Variants in TEF observed in about 807,000 individuals in gnomAD.
TEF encodes the protein thyrotroph embryonic factor.
In TEF, 3 loss-of-function variants were observed where a neutral mutation model predicts 20.8. The observed-to-expected ratio is 0.14, with a 90% CI of 0.07 to 0.37. The LOEUF (loss-of-function observed/expected upper bound fraction) is 0.37. Ranked by LOEUF, TEF falls within the 10% of genes least tolerant of loss-of-function variation. The pLI, the probability that TEF is intolerant of heterozygous loss-of-function variation, is 1.00. For missense variants in TEF, 296 were observed against 397.9 expected (o/e 0.74, Z 2.18); for synonymous variants, 180 against 171.1 (o/e 1.05, Z -0.41).
At chr22:41,389,253 T>A (rs2037136297) in intron 2 of TEF, among the ~76,000 whole-genome samples, 1 of 151,948 alleles carries the variant, frequency 6.6e-6, no homozygotes, top group Non-Finnish European at 1.5e-5. Flanking sequence ...TACAAAAAAT[T>A]AGCCGGGTGT....
rs900158832 is a variant in TEF, at chr22:41,369,144, C to T, written c.67+1545C>T. ...GTGGGGCAGGGAGGATTCTCAGGGGCGACTCGGGGCACTGCTCCTCAGATG... is the reference window on the plus strand; with the variant it reads ...GTGGGGCAGGGAGGATTCTCAGGGGTGACTCGGGGCACTGCTCCTCAGATG... On this transcript the variant is annotated intron_variant, in intron 1 of 3. Coordinates refer to the TEF transcript ENST00000406644. 17 of 985,198 alleles carry T rather than the reference C, an allele frequency of 1.7e-5. No individual in the cohort carries two copies. In the South Asian group the frequency reaches 6.1e-4, roughly 35 times the overall value. The allele number at this position is 985,198 out of a possible 1,614,324, so 61.0% of individuals were successfully genotyped here. A position where few individuals can be genotyped will look rare whatever the true frequency, so the allele number is the denominator to read the frequency against.
upstream of TEF, among the ~76,000 whole-genome samples, chr22:41,377,853 G>A (rs73885789): frequency 0.014 from 2,147 of 152,252 alleles, 53 homozygotes; most frequent in African/African-American, 0.05. Context: ...CTTCTCACCA[G>A]CGTCACTTGC....
chr22:41,379,648 G>A (rs1601815574), upstream of TEF, among the ~76,000 whole-genome samples: 1 of 151,826 alleles, frequency 6.6e-6, no homozygotes, highest in Non-Finnish European at 1.5e-5. Flanking sequence ...GTGGATCACC[G>A]GAGGTCAGGA....
At chr22:41,384,788 C>T (rs555869927) in intron 1 of TEF, among the ~76,000 whole-genome samples, 7 of 152,152 alleles carry the variant, frequency 4.6e-5, no homozygotes, top group African/African-American at 1.7e-4. Context: ...CTTTCGCCCT[C>T]GTTGTCCAGG....
In TEF at chr22:41,397,891, A is replaced by C. The variant is rs563804158; in HGVS notation, c.*1931A>C. On this transcript the variant is annotated 3_prime_UTR_variant, in exon 4 of 4. Transcript: ENST00000266304. ...AAAAGCTCTTCATTTTCTTTGCCGG[A>C]AAGTATATGGTTTGTGTTTTTGCAG... The C allele has an allele frequency of 1.3e-5, 2 of 152,178 alleles. No homozygotes were observed. The highest frequency in any genetic ancestry group is 2.9e-5 in the Non-Finnish European group (2 of 68,032). 9.4% of individuals were successfully genotyped at this position (152,178 alleles called of 1,614,324 possible).
chr22:41,383,077 A>G (rs1271130506), intron 1 of TEF: 1 of 469,360 alleles, frequency 2.1e-6, no homozygotes, highest in Non-Finnish European at 4.4e-6. Context: ...ACTGAGGTAT[A>G]CTTTGAGTGT....
In TEF at chr22:41,387,271, G is replaced by C. The variant is rs371982375; in HGVS notation, c.158-80G>C. On this transcript the variant is annotated intron_variant, in intron 1 of 3. Coordinates refer to ENST00000266304, the MANE Select transcript of TEF (RefSeq NM_003216.4). ...CGGGGCTCTGAGAAAGATGGGCCAG[G>C]CCTGTGAGGCTCACTGCCCACTTCC... 67 of 1,487,242 alleles carry C rather than the reference G, an allele frequency of 4.5e-5. No homozygotes were observed. The South Asian group carries it at 4.8e-4, about 11-fold the overall frequency. 92.1% of individuals were successfully genotyped at this position (1,487,242 alleles called of 1,614,324 possible).
At chr22:41,369,333 C>A in intron 1 of TEF, 1 of 854,500 alleles carries the variant, frequency 1.2e-6, no homozygotes, top group Non-Finnish European at 1.4e-6. Flanking sequence ...CAGAGCTTTG[C>A]CGAGCACTGG....
Position 41,396,029 on chromosome 22 carries a change from C to G in TEF, c.*69C>G. On this transcript the variant is annotated 3_prime_UTR_variant, in exon 4 of 4. Coordinates refer to ENST00000266304, the MANE Select transcript of TEF (RefSeq NM_003216.4). The stretch of plus-strand genomic sequence containing the variant: ...CTCTGCCTGGGGGCTCCCTGTAACC[C>G]CTCACACGCGTGGAGACTTATGACT... 1 of 1,519,248 alleles carries G rather than the reference C, an allele frequency of 6.6e-7. No homozygotes were observed. The highest frequency in any genetic ancestry group is 9.0e-7 in the Non-Finnish European group (1 of 1,114,100). 94.1% of individuals were successfully genotyped at this position (1,519,248 alleles called of 1,614,324 possible).
At chr22:41,377,888 G>A (rs1324841801), upstream of TEF, among the ~76,000 whole-genome samples, 1 of 152,138 alleles carries the variant, frequency 6.6e-6, no homozygotes, top group Non-Finnish European at 1.5e-5. Flanking sequence ...GCTCCAGGCT[G>A]GGAGATGAGT....
chr22:41,369,979 T>C (rs982118347), intron 1 of TEF: 23 of 985,342 alleles, frequency 2.3e-5, no homozygotes, highest in African/African-American at 7.0e-5. Context: ...ATTTAGGTCA[T>C]GTGCAGAGCG....
In TEF at chr22:41,397,969, C is replaced by G. The variant is rs554085401; in HGVS notation, c.*2009C>G. ...ATCTCTGGTGTCCATGTTCCGAGCC[C>G]GGTGGCTGGGATGGTGGCTCGATGT... On this transcript the variant is annotated 3_prime_UTR_variant, in exon 4 of 4. Transcript: ENST00000266304. 6.6e-6 allele frequency: 1 copy of G among 152,220 alleles called. No individual in the cohort carries two copies. Among genetic ancestry groups the G allele is most frequent in the Non-Finnish European group, 1.5e-5 (1 of 68,048 alleles). The allele number at this position is 152,220 out of a possible 1,614,324, so 9.4% of individuals were successfully genotyped here.
chr22:41,393,695 C>T (rs2037193083), intron 2 of TEF, among the ~76,000 whole-genome samples: 1 of 151,618 alleles, frequency 6.6e-6, no homozygotes, highest in Non-Finnish European at 1.5e-5. Flanking sequence ...GTGGCATGAA[C>T]CCGGGAGGCG....
upstream of TEF, among the ~76,000 whole-genome samples, chr22:41,381,022 T>A (rs1196334068): frequency 6.6e-6 from 1 of 152,192 alleles, no homozygotes; most frequent in East Asian, 1.9e-4. Flanking sequence ...AGCTAGTAAG[T>A]GGGAGGGCGG....
intron 3 of TEF, 47 bp from the exon 4 acceptor site, chr22:41,395,698 C>T (rs2037218816): frequency 6.3e-7 from 1 of 1,592,560 alleles, no homozygotes; most frequent in Non-Finnish European, 8.6e-7. Flanking sequence ...AAATTGGGTT[C>T]TCTCGTGGGG....
chr22:41,394,107 GAGA>G lies in TEF; in HGVS notation c.490_492del (p.Lys164del). 1 of 1,614,046 alleles carries G rather than the reference GAGA, an allele frequency of 6.2e-7. No individual in the cohort carries two copies. Among genetic ancestry groups the G allele is most frequent in the Non-Finnish European group, 8.5e-7 (1 of 1,179,992 alleles). On this transcript the variant is annotated inframe_deletion, in exon 3 of 4. Coordinates refer to ENST00000266304, the MANE Select transcript of TEF (RefSeq NM_003216.4). ...TCTGTGTCTTTTAGAATCTTCCCTG[GAGA>G]AGGAGAGGGAGACTCCCAGTCCCAT...
chr22:41,374,872 G>GA (rs2145965520), intron 1 of TEF, among the ~76,000 whole-genome samples: 1 of 152,280 alleles, frequency 6.6e-6, no homozygotes, highest in South Asian at 2.1e-4. Context: ...AAGGGTAGCA[G>GA]AAGTTGAAGG....
At chr22:41,383,546 T>G (rs982306159) in intron 1 of TEF, among the ~76,000 whole-genome samples, 4 of 152,178 alleles carry the variant, frequency 2.6e-5, no homozygotes, top group Non-Finnish European at 2.9e-5. Flanking sequence ...TCTTCCCAGA[T>G]GAGGAAAATT....
Position 41,398,503 on chromosome 22 carries a change from A to G in TEF, c.*2543A>G, listed in dbSNP as rs2037256626. 6.5e-6 allele frequency: 1 copy of G among 153,800 alleles called. No individual in the cohort carries two copies. The highest frequency in any genetic ancestry group is 2.4e-5 in the African/African-American group (1 of 41,458). The allele number at this position is 153,800 out of a possible 1,614,324, so 9.5% of individuals were successfully genotyped here. On this transcript the variant is annotated 3_prime_UTR_variant, in exon 4 of 4. Coordinates refer to ENST00000266304, the MANE Select transcript of TEF (RefSeq NM_003216.4). ...TTTGTGGCACCCTCAGTGCAACCTC[A>G]GAACAGACAAATCATGAATGAGCTG...
Sources: allele counts gnomAD v4.1 joint callset (sites outside exome capture counted in the v4.1 genomes callset), GRCh38; gene constraint gnomAD v4.1.1; transcripts MANE v1.5; gene names NCBI Gene and HGNC (gene_info 2026-07-23, HGNC 2026-07-21).